The following C22orf39 variants were observed in gnomAD, a reference collection of about 807,000 sequenced individuals.
C22orf39 encodes synaptic plasticity regulator PANTS.
Under a neutral mutation model 18.3 loss-of-function variants are expected in C22orf39, and 20 were observed. That is an observed-to-expected ratio of 1.09 (90% CI 0.77 to 1.59). The LOEUF (loss-of-function observed/expected upper bound fraction) is 1.59, where lower values mean the gene tolerates loss of function less well. Among genes scored for constraint, C22orf39 ranks in the 40% most tolerant of loss-of-function variants. C22orf39 has a pLI of 0.00. For missense variants in C22orf39, 195 were observed against 156.1 expected (o/e 1.25, Z -1.33); for synonymous variants, 63 against 59.6 (o/e 1.06, Z -0.26).
rs747174201 is a variant in C22orf39 at position 19,447,684 on chromosome 22, G to A, written c.5C>T (p.Ala2Val). The A allele has an allele frequency of 1.2e-6, 2 of 1,610,278 alleles. No individual in the cohort carries two copies. The highest frequency in any genetic ancestry group is 1.7e-5 in the Admixed American group (1 of 59,860). ...ACTCACCTGCCAGCCGCTGCCGTCC[G>A]CCATGTCTGGGCGACCGGCGCGCCA... MADGSGWQPPRP... is the reference protein window; with the variant it reads MVDGSGWQPPRP... Residue 2 changes from alanine (A) to valine (V), a missense_variant, in exon 1 of 3, where the codon GCG becomes GTG. Transcript: ENST00000399562.
chr22:19,445,311 C>T (rs2146277413), intron 2 of C22orf39, among the ~76,000 whole-genome samples: 1 of 152,298 alleles, frequency 6.6e-6, no homozygotes, highest in East Asian at 1.9e-4. Flanking sequence ...AGGCACTTTT[C>T]CATACCCAGG....
At chr22:19,447,000 C>T (rs2089643957) in intron 2 of C22orf39, among the ~76,000 whole-genome samples, 2 of 152,204 alleles carry the variant, frequency 1.3e-5, no homozygotes, top group South Asian at 4.1e-4. Flanking sequence ...CTACCCTCTG[C>T]TTCAGGAACC....
chr22:19,446,609 G>A (rs530618732), intron 2 of C22orf39, among the ~76,000 whole-genome samples: 3 of 152,248 alleles, frequency 2.0e-5, no homozygotes, highest in African/African-American at 7.2e-5. Context: ...TTTGCTGGAC[G>A]AAAAAACAAC....
Position 19,444,074 on chromosome 22 carries a change from A to C in C22orf39, c.*191T>G. 7.6e-7 allele frequency: 1 copy of C among 1,322,676 alleles called. No homozygotes were observed. The highest frequency in any genetic ancestry group is 9.6e-7 in the Non-Finnish European group (1 of 1,042,812). 81.9% of individuals were successfully genotyped at this position (1,322,676 alleles called of 1,614,324 possible). ...GTGCAATTGTCCTGCAGAACATCGC[A>C]GTGTCAGGGTATCCTGCATGCAGGT... On this transcript the variant is annotated 3_prime_UTR_variant, in exon 3 of 3. Transcript: ENST00000399562.
chr22:19,443,103 C>G lies in C22orf39; in HGVS notation c.*1162G>C. On this transcript the variant is annotated 3_prime_UTR_variant, in exon 3 of 3. Transcript: ENST00000399562. ...AACCCCCACCCCCACCCCCACTGTT[C>G]ACAGACACAGGGGCTCTTAGGGAGC... is the stretch of plus-strand genomic sequence containing the variant. 2 of 507,416 alleles carry G rather than the reference C, an allele frequency of 3.9e-6. No homozygotes were observed. The highest frequency in any genetic ancestry group is 5.1e-6 in the Non-Finnish European group (2 of 395,296). 31.4% of individuals were successfully genotyped at this position (507,416 alleles called of 1,614,324 possible).
At position 19,444,209 on chromosome 22, in the gene C22orf39, A is replaced by C; in HGVS notation, c.*56T>G. 1 of 1,509,958 alleles carries C rather than the reference A, an allele frequency of 6.6e-7. No homozygotes were observed. The highest frequency in any genetic ancestry group is 8.8e-7 in the Non-Finnish European group (1 of 1,136,538). 93.5% of individuals were successfully genotyped at this position (1,509,958 alleles called of 1,614,324 possible). On this transcript the variant is annotated 3_prime_UTR_variant, in exon 3 of 3. Coordinates refer to ENST00000399562, the MANE Select transcript of C22orf39 (RefSeq NM_173793.5). ...CTGGTCACAGTCCCCAGGGCTGTGC[A>C]ACAGCAACTTGAAACAGACTGAGGA... is the stretch of plus-strand genomic sequence containing the variant.
chr22:19,442,225 A>G lies in C22orf39; in HGVS notation c.*2040T>C, dbSNP rs553451456. The G allele has an allele frequency of 3.9e-5, 6 of 152,998 alleles. No individual in the cohort carries two copies. Among genetic ancestry groups the G allele is most frequent in the African/African-American group, 1.4e-4 (6 of 41,582 alleles). 9.5% of individuals were successfully genotyped at this position (152,998 alleles called of 1,614,324 possible). A position where few individuals can be genotyped will look rare whatever the true frequency, so the allele number is the denominator to read the frequency against. ...CTCAAACCCTGTCCAACATGTGGAC[A>G]CTCAGATGTTGTGAAGCAATTGACA... On this transcript the variant is annotated 3_prime_UTR_variant, in exon 3 of 3. Transcript: ENST00000399562.
chr22:19,443,936 A>G lies in C22orf39; in HGVS notation c.*329T>C, dbSNP rs1314881360. 9 of 1,062,886 alleles carry G rather than the reference A, an allele frequency of 8.5e-6. No homozygotes were observed. The highest frequency in any genetic ancestry group is 8.3e-5 in the South Asian group (2 of 24,146). 65.8% of individuals were successfully genotyped at this position (1,062,886 alleles called of 1,614,324 possible). A position where few individuals can be genotyped will look rare whatever the true frequency, so the allele number is the denominator to read the frequency against. ...ACAGGTCAGGGCTACCCTTCAGTTT[A>G]CCTGAGAAGCCTAGACCTCAGGACC... On this transcript the variant is annotated 3_prime_UTR_variant, in exon 3 of 3. Transcript: ENST00000399562.
rs776821639 is a variant in C22orf39 at position 19,444,403 on chromosome 22, G to GA, written c.193-14dup. On this transcript the variant is annotated splice_polypyrimidine_tract_variant and intron_variant, in intron 2 of 2. Transcript: ENST00000399562. ...CACAGAGGGATTGCTGTGCAAATGAGACTCTAGTCACTCCCCAGGCTCTGA... is the reference window on the plus strand; with the variant it reads ...CACAGAGGGATTGCTGTGCAAATGAGAACTCTAGTCACTCCCCAGGCTCTGA... 24 of 1,593,124 alleles carry GA rather than the reference G, an allele frequency of 1.5e-5. No individual in the cohort carries two copies. The highest frequency in any genetic ancestry group is 1.7e-4 in the Middle Eastern group (1 of 6,048).
At position 19,447,481 on chromosome 22, in the gene C22orf39, A is replaced by G. The variant is rs1601880118; in HGVS notation, c.89T>C (p.Leu30Pro). The change falls in exon 2 of 3, where the codon CTA (leucine) becomes CCA (proline). Residue 30 changes from leucine (L) to proline (P), a missense_variant. Leu to Pro is a moderately conservative substitution (Grantham distance 98, BLOSUM62 -3). Coordinates refer to ENST00000399562, the MANE Select transcript of C22orf39 (RefSeq NM_173793.5). The part of the protein sequence containing the change: ...WKLCRSARHF[L>P]HHYYVHGERP... ...CTCGCCGTGGACGTAGTAGTGGTGTAGGAAGTGCCTGGCGCTGCGGCAGAG... is the reference window on the plus strand; with the variant it reads ...CTCGCCGTGGACGTAGTAGTGGTGTGGGAAGTGCCTGGCGCTGCGGCAGAG... 1.3e-6 allele frequency: 2 copies of G among 1,511,626 alleles called. No homozygotes were observed. The highest frequency in any genetic ancestry group is 1.8e-6 in the Non-Finnish European group (2 of 1,138,646). The allele number at this position is 1,511,626 out of a possible 1,614,324, so 93.6% of individuals were successfully genotyped here. A position where few individuals can be genotyped will look rare whatever the true frequency, so the allele number is the denominator to read the frequency against.
At position 19,442,122 on chromosome 22, in the gene C22orf39, ATGTC is replaced by A. The variant is rs2146275236; in HGVS notation, c.*2139_*2142del. On this transcript the variant is annotated 3_prime_UTR_variant, in exon 3 of 3. Transcript: ENST00000399562. ...TTAAATTCCTATTTATTGATGTTTA[ATGTC>A]TGTCTTTTACCCAAACTACAACAGA... 6.3e-6 allele frequency: 1 copy of A among 158,166 alleles called. No individual in the cohort carries two copies. The highest frequency in any genetic ancestry group is 1.4e-5 in the Non-Finnish European group (1 of 71,770). 9.8% of individuals were successfully genotyped at this position (158,166 alleles called of 1,614,324 possible).
Position 19,443,943 on chromosome 22 carries a change from A to G in C22orf39, c.*322T>C, listed in dbSNP as rs2089626743. On this transcript the variant is annotated 3_prime_UTR_variant, in exon 3 of 3. Coordinates refer to ENST00000399562, the MANE Select transcript of C22orf39 (RefSeq NM_173793.5). ...AGGGCTACCCTTCAGTTTACCTGAG[A>G]AGCCTAGACCTCAGGACCGCCATCT... The G allele has an allele frequency of 1.9e-6, 2 of 1,074,514 alleles. No homozygotes were observed. The highest frequency in any genetic ancestry group is 6.3e-5 in the East Asian group (1 of 15,938). 66.6% of individuals were successfully genotyped at this position (1,074,514 alleles called of 1,614,324 possible).
intron 2 of C22orf39, among the ~76,000 whole-genome samples, chr22:19,446,339 A>G (rs1035279021): frequency 2.6e-5 from 4 of 152,192 alleles, no homozygotes; most frequent in African/African-American, 9.7e-5. Flanking sequence ...TCTTTTATAC[A>G]GCAGTCTGGT....
intron 2 of C22orf39, among the ~76,000 whole-genome samples, chr22:19,447,126 G>A (rs1366836376): frequency 6.7e-6 from 1 of 148,518 alleles, no homozygotes; most frequent in Non-Finnish European, 1.5e-5. Context: ...CCCTAACACC[G>A]GACGGCTGCC....
Position 19,441,330 on chromosome 22 carries a change from CT to C in C22orf39, c.*2934del, listed in dbSNP as rs1263504025. 9.4e-5 allele frequency: 27 copies of C among 285,784 alleles called. No homozygotes were observed. The highest frequency in any genetic ancestry group is 1.9e-3 in the Middle Eastern group (2 of 1,050). The allele number at this position is 285,784 out of a possible 1,614,324, so 17.7% of individuals were successfully genotyped here. A position where few individuals can be genotyped will look rare whatever the true frequency, so the allele number is the denominator to read the frequency against. ...ATGTTTTCAAGATTGGCTGTTTTTG[CT>C]CTGAAGAATTTCCTTGAGTTTCATC... On this transcript the variant is annotated 3_prime_UTR_variant, in exon 3 of 3. Transcript: ENST00000399562.
At position 19,443,579 on chromosome 22, in the gene C22orf39, T is replaced by C; in HGVS notation, c.*686A>G. The stretch of plus-strand genomic sequence containing the variant: ...AAGGAGTGCTTAATTCCATATGTCT[T>C]GGACTTGGATTTCTTCAGCTGAGTC... On this transcript the variant is annotated 3_prime_UTR_variant, in exon 3 of 3. Coordinates refer to ENST00000399562, the MANE Select transcript of C22orf39 (RefSeq NM_173793.5). 1 of 985,624 alleles carries C rather than the reference T, an allele frequency of 1.0e-6. No homozygotes were observed. 61.1% of individuals were successfully genotyped at this position (985,624 alleles called of 1,614,324 possible). A position where few individuals can be genotyped will look rare whatever the true frequency, so the allele number is the denominator to read the frequency against.
At chr22:19,446,689 C>CT (rs1379235489) in intron 2 of C22orf39, among the ~76,000 whole-genome samples, 3 of 152,130 alleles carry the variant, frequency 2.0e-5, no homozygotes, top group African/African-American at 4.8e-5. Context: ...ACAGATTGAA[C>CT]TTCTTTTACC....
rs1569323373 is a variant in C22orf39, at chr22:19,447,671, G to GCCGCTGCCGT, written c.8_17dup (p.Trp7ArgfsTer66). 3 of 1,611,060 alleles carry GCCGCTGCCGT rather than the reference G, an allele frequency of 1.9e-6. No homozygotes were observed. The highest frequency in any genetic ancestry group is 1.1e-5 in the South Asian group (1 of 90,826). On this transcript the variant is annotated frameshift_variant, in exon 1 of 3. Coordinates refer to ENST00000399562, the MANE Select transcript of C22orf39 (RefSeq NM_173793.5). LOFTEE classifies it high-confidence loss of function. ...TCCGACCCAGCACACTCACCTGCCA[G>GCCGCTGCCGT]CCGCTGCCGTCCGCCATGTCTGGGC...
intron 2 of C22orf39, among the ~76,000 whole-genome samples, chr22:19,445,959 C>A (rs892842833): frequency 2.0e-5 from 3 of 152,152 alleles, no homozygotes; most frequent in Non-Finnish European, 4.4e-5. Flanking sequence ...CAGGCATGAG[C>A]CACCATGCCC....
Sources: gnomAD v4.1 joint callset for allele counts (sites outside exome capture counted in the v4.1 genomes callset) on GRCh38, gnomAD v4.1.1 for gene constraint, MANE v1.5 for transcripts, NCBI Gene and HGNC (gene_info 2026-07-23, HGNC 2026-07-21) for gene names.